ABL2: variants seen among roughly 807,000 people sequenced by gnomAD.
ABL2 encodes the protein tyrosine-protein kinase ABL2.
In ABL2, 49 loss-of-function variants were observed where a neutral mutation model predicts 107.7. The observed-to-expected ratio is 0.45, with a 90% CI of 0.36 to 0.58. The LOEUF is 0.58. Ranked by LOEUF, ABL2 falls within the 20% of genes least tolerant of loss-of-function variation. The pLI is 0.00. For synonymous variants in ABL2, 549 were observed against 548.6 expected (o/e 1.00, Z -0.01); for missense variants, 1,245 against 1,457.0 (o/e 0.85, Z 2.37).
chr1:179,178,232 C>A (rs1001670918), intron 1 of ABL2, among the ~76,000 whole-genome samples: 13 of 151,260 alleles, frequency 8.6e-5, no homozygotes, highest in Non-Finnish European at 1.6e-4. Context: ...ACCCTGTCTG[C>A]ACTAAAAATA....
rs1168496207 is a variant in ABL2, at chr1:179,109,265, G to GT, written c.2001dup (p.Arg668ThrfsTer14). On this transcript the variant is annotated frameshift_variant, in exon 12 of 12. Coordinates refer to ENST00000502732, the MANE Select transcript of ABL2 (RefSeq NM_007314.4). LOFTEE classifies it high-confidence loss of function. ...TCCATTTCTCGGAAGGAGCTGCTGC[G>GT]TTTGGGGGGTGTAGGAGCATTTCTC... 1.9e-6 allele frequency: 3 copies of GT among 1,614,016 alleles called. No homozygotes were observed. Among genetic ancestry groups the GT allele is most frequent in the Non-Finnish European group, 1.7e-6 (2 of 1,180,024 alleles).
chr1:179,147,181 C>CCA (rs1658043231), intron 1 of ABL2, among the ~76,000 whole-genome samples: 1 of 50,528 alleles, frequency 2.0e-5, no homozygotes, highest in African/African-American at 7.6e-5. Flanking sequence ...CAGAGAAATG[C>CCA]AAAAAAAAAA....
intron 1 of ABL2, among the ~76,000 whole-genome samples, chr1:179,175,871 G>A (rs973145112): frequency 6.8e-6 from 1 of 147,706 alleles, no homozygotes; most frequent in Non-Finnish European, 1.5e-5. Flanking sequence ...TTTTGAGGAG[G>A]GGTGTACGAG....
intron 1 of ABL2, chr1:179,143,173 A>G (rs1239613970): frequency 1.6e-6 from 2 of 1,247,664 alleles, no homozygotes; most frequent in African/African-American, 1.5e-5. Context: ...GAGGGAACCA[A>G]TAAAATGGTG....
chr1:179,141,059 T>C (rs1006447946), intron 1 of ABL2, among the ~76,000 whole-genome samples: 7 of 141,792 alleles, frequency 4.9e-5, no homozygotes, highest in African/African-American at 1.6e-4. Context: ...GAGGTTGCAG[T>C]GAACTGAGAT....
rs1653296394 is a variant in ABL2 at position 179,103,797 on chromosome 1, T to C, written c.*3921A>G. On this transcript the variant is annotated 3_prime_UTR_variant, in exon 12 of 12. Transcript: ENST00000502732. ...GTATGGTGGAAAGACCCCACAACCATAAAGTCAAGAGACTTGAATTCTAGC... is the reference window on the plus strand; with the variant it reads ...GTATGGTGGAAAGACCCCACAACCACAAAGTCAAGAGACTTGAATTCTAGC... 2 of 229,942 alleles carry C rather than the reference T, an allele frequency of 8.7e-6. No homozygotes were observed. Among genetic ancestry groups the C allele is most frequent in the Non-Finnish European group, 1.7e-5 (2 of 115,728 alleles). 14.2% of individuals were successfully genotyped at this position (229,942 alleles called of 1,614,324 possible). A position where few individuals can be genotyped will look rare whatever the true frequency, so the allele number is the denominator to read the frequency against.
rs188091596 is a variant in ABL2 at position 179,103,138 on chromosome 1, C to T, written c.*4580G>A. On this transcript the variant is annotated 3_prime_UTR_variant, in exon 12 of 12. Coordinates refer to ENST00000502732, the MANE Select transcript of ABL2 (RefSeq NM_007314.4). ...GAGCTTCTGTGTTCTGGAGTGAGTACACATTCTTACTTTTTAAAGATCGGA... is the reference window on the plus strand; with the variant it reads ...GAGCTTCTGTGTTCTGGAGTGAGTATACATTCTTACTTTTTAAAGATCGGA... 6.9e-5 allele frequency: 15 copies of T among 218,580 alleles called. No individual in the cohort carries two copies. Among genetic ancestry groups the T allele is most frequent in the Admixed American group, 1.2e-4 (2 of 17,272 alleles). 13.5% of individuals were successfully genotyped at this position (218,580 alleles called of 1,614,324 possible). A position where few individuals can be genotyped will look rare whatever the true frequency, so the allele number is the denominator to read the frequency against.
At chr1:179,229,208 C>CCCCCCCCCCCCCA in intron 1 of ABL2, 33 bp downstream of exon 1, 10 of 1,488,034 alleles carry the variant, frequency 6.7e-6, no homozygotes, top group East Asian at 2.8e-5. Flanking sequence ...CGGCCTCCCC[C>CCCCCCCCCCCCCA]ACGCTCTCAT....
chr1:179,163,047 C>T (rs150274456), intron 1 of ABL2, among the ~76,000 whole-genome samples: 1 of 152,252 alleles, frequency 6.6e-6, no homozygotes, highest in Non-Finnish European at 1.5e-5. Flanking sequence ...TGAGTTGAGG[C>T]TCTAACAACC....
At chr1:179,196,911 A>G (rs1323852388) in intron 1 of ABL2, among the ~76,000 whole-genome samples, 3 of 152,234 alleles carry the variant, frequency 2.0e-5, no homozygotes, top group Non-Finnish European at 2.9e-5. Context: ...CAGAACCTGC[A>G]GAAATAAAAG....
chr1:179,114,604 ACCTTAATCTCTAAACTCAATTTCTTAT>A (rs1654439784), intron 9 of ABL2, among the ~76,000 whole-genome samples: 1 of 152,044 alleles, frequency 6.6e-6, no homozygotes. Context: ...GGCCCTCCCC[ACCTTAATCTCTAAACTCAATTTCTTAT>A]CTTATTAAAT....
intron 1 of ABL2, among the ~76,000 whole-genome samples, chr1:179,139,336 G>A (rs1034152101): frequency 6.6e-6 from 1 of 151,716 alleles, no homozygotes; most frequent in African/African-American, 2.4e-5. Flanking sequence ...CACTGCAAAG[G>A]TCTGCAGCTT....
intron 1 of ABL2, among the ~76,000 whole-genome samples, chr1:179,159,481 T>G (rs1658928694): frequency 6.6e-6 from 1 of 152,352 alleles, no homozygotes; most frequent in African/African-American, 2.4e-5. Flanking sequence ...TCAGCTGATT[T>G]GTTGATTTTC....
At chr1:179,142,940 G>A (rs1557951377) in intron 1 of ABL2, 1 of 1,614,084 alleles carries the variant, frequency 6.2e-7, no homozygotes, top group Non-Finnish European at 8.5e-7. Flanking sequence ...TACCTGTTAA[G>A]TCGGGTAGAG....
Position 179,100,813 on chromosome 1 carries a change from T to C in ABL2, c.*6905A>G, listed in dbSNP as rs1027136427. The C allele has an allele frequency of 2.2e-5, 5 of 232,308 alleles. No homozygotes were observed. Among genetic ancestry groups the C allele is most frequent in the Non-Finnish European group, 4.3e-5 (5 of 117,526 alleles). 14.4% of individuals were successfully genotyped at this position (232,308 alleles called of 1,614,324 possible). On this transcript the variant is annotated 3_prime_UTR_variant, in exon 12 of 12. Coordinates refer to ENST00000502732, the MANE Select transcript of ABL2 (RefSeq NM_007314.4). ...TGTGGTCTGAGGACAGTGCTGTGCCTGGCCTTTCCCCTTCAACACGCCAGC... is the reference window on the plus strand; with the variant it reads ...TGTGGTCTGAGGACAGTGCTGTGCCCGGCCTTTCCCCTTCAACACGCCAGC...
chr1:179,203,112 C>T (rs1467606280), intron 1 of ABL2, among the ~76,000 whole-genome samples: 3 of 152,010 alleles, frequency 2.0e-5, no homozygotes, highest in South Asian at 2.1e-4. Flanking sequence ...GATTTTTTCC[C>T]GTAATAAAAC....
chr1:179,132,299 A>T (rs1656411093), intron 2 of ABL2, among the ~76,000 whole-genome samples: 1 of 152,140 alleles, frequency 6.6e-6, no homozygotes, highest in African/African-American at 2.4e-5. Context: ...TTAAGCCTTT[A>T]CAGTTTCTAA....
chr1:179,199,690 T>C (rs1661546862), intron 1 of ABL2, among the ~76,000 whole-genome samples: 1 of 151,652 alleles, frequency 6.6e-6, no homozygotes, highest in Non-Finnish European at 1.5e-5. Flanking sequence ...ACCAGAATTT[T>C]AACATAGATC....
In ABL2 at chr1:179,126,846, T is replaced by C. The variant is rs1211513435; in HGVS notation, c.392-174A>G. On this transcript the variant is annotated intron_variant, in intron 3 of 11. Transcript: ENST00000502732. The surrounding 1 kb of genome is among the most constrained non-coding windows in gnomAD (Gnocchi z 4.4). ...ACTTGGCTGTTCATCATATCCTGAT[T>C]GCTCTCTTTAGCTTTTAGCTTAACC... Among the ~76,000 whole-genome samples, 1 of 152,158 alleles carries C rather than the reference T, an allele frequency of 6.6e-6. No individual in the cohort carries two copies. Among genetic ancestry groups the C allele is most frequent in the African/African-American group, 2.4e-5 (1 of 41,436 alleles).
Sources: gnomAD v4.1 joint callset for allele counts (sites outside exome capture counted in the v4.1 genomes callset) on GRCh38, gnomAD v4.1.1 for gene constraint, Gnocchi (gnomAD v3.1) non-coding constraint, MANE v1.5 for transcripts, NCBI Gene and HGNC (gene_info 2026-07-23, HGNC 2026-07-21) for gene names.